Variants in NCOA6 observed in about 807,000 individuals in gnomAD.
NCOA6 encodes the protein nuclear receptor coactivator 6, also known as NRC RAP250.
NCOA6 carries 49 observed loss-of-function variants against 171.4 expected under a neutral mutation model. The observed-to-expected ratio is 0.29, with a 90% CI of 0.23 to 0.36. NCOA6 has a LOEUF of 0.36. Among genes scored for constraint, NCOA6 ranks in the 10% least tolerant of loss-of-function variants. The probability of loss-of-function intolerance (pLI) is 1.00; values close to 1 mark genes in which losing one functional copy is unlikely to be tolerated. For synonymous variants in NCOA6, 910 were observed against 927.5 expected, an observed-to-expected ratio of 0.98 and a Z score of 0.34; for missense variants, 2,248 against 2,554.5, an observed-to-expected ratio of 0.88 and a Z score of 2.59.
chr20:34,770,285 A>G (rs917243943), intron 4 of NCOA6, among the ~76,000 whole-genome samples: 2 of 152,080 alleles, frequency 1.3e-5, no homozygotes, highest in Non-Finnish European at 2.9e-5. Context: ...TGATCCGCCC[A>G]AAGTGCTGGG....
chr20:34,792,162 T>C (rs2077906920), intron 2 of NCOA6, among the ~76,000 whole-genome samples: 1 of 152,184 alleles, frequency 6.6e-6, no homozygotes, highest in South Asian at 2.1e-4. Flanking sequence ...CCTATTATCA[T>C]TTTAATCAAC....
rs143736680 is a variant in NCOA6, at chr20:34,757,592, C to T, written c.1156G>A (p.Ala386Thr). Reference sequence around the variant, plus strand: ...CTCATCTGAGGAAAGTTTGTGTGGGCTTGTGAGGCTTGCTGGCTGCCAAAG... The same window carrying T: ...CTCATCTGAGGAAAGTTTGTGTGGGTTTGTGAGGCTTGCTGGCTGCCAAAG... ...YPFGSQQASQ[A>T]HTNFPQMSNP... Residue 386 changes from alanine (A) to threonine (T), a missense_variant, in exon 7 of 15, where the codon GCC becomes ACC. By Grantham distance (58) the Ala-to-Thr change is moderately conservative (BLOSUM62 0). Transcript: ENST00000359003. 131 of 1,613,576 alleles carry T rather than the reference C, an allele frequency of 8.1e-5. No individual in the cohort carries two copies. The highest frequency in any genetic ancestry group is 1.1e-4 in the Non-Finnish European group (125 of 1,179,828).
At position 34,739,121 on chromosome 20, in the gene NCOA6, C is replaced by T. The variant is rs531013149; in HGVS notation, c.5893+1242G>A. Among the ~76,000 whole-genome samples, 9 of 152,224 alleles carry T rather than the reference C, an allele frequency of 5.9e-5. No homozygotes were observed. In the South Asian group the frequency reaches 1.9e-3, roughly 32 times the overall value. On this transcript the variant is annotated intron_variant, in intron 11 of 14. Coordinates refer to ENST00000359003, the MANE Select transcript of NCOA6 (RefSeq NM_014071.5). Reference sequence around the variant, plus strand: ...GGCGGTTGTAAGGACACCTATGCTTCCATCATTAGCCCATCTTAACAGTAC... The same window carrying T: ...GGCGGTTGTAAGGACACCTATGCTTTCATCATTAGCCCATCTTAACAGTAC...
chr20:34,803,921 C>G (rs2078348215), intron 1 of NCOA6, among the ~76,000 whole-genome samples: 1 of 151,388 alleles, frequency 6.6e-6, no homozygotes, highest in Non-Finnish European at 1.5e-5. Context: ...ATGCCTGAAC[C>G]CGGGAGGTGG....
chr20:34,747,047 A>T, intron 9 of NCOA6, 119 bp from the exon 10 acceptor site: 1 of 1,003,390 alleles, frequency 1.0e-6, no homozygotes, highest in Non-Finnish European at 1.4e-6. Context: ...CATTACCATT[A>T]TTCATCTCTC....
chr20:34,783,735 G>A (rs1004594618), intron 2 of NCOA6, among the ~76,000 whole-genome samples: 4 of 152,080 alleles, frequency 2.6e-5, no homozygotes, highest in African/African-American at 7.2e-5. Flanking sequence ...CAATTCTCCT[G>A]CCTCAGCCTC....
chr20:34,805,059 A>T (rs6120736), intron 1 of NCOA6, among the ~76,000 whole-genome samples: 515 of 142,390 alleles, frequency 3.6e-3, no homozygotes, highest in South Asian at 6.1e-3. Flanking sequence ...TTTTTTTTTT[A>T]AGACAGTCTC....
intron 1 of NCOA6, among the ~76,000 whole-genome samples, chr20:34,800,052 A>G (rs988531826): frequency 6.6e-6 from 1 of 152,188 alleles, no homozygotes; most frequent in Non-Finnish European, 1.5e-5. Context: ...CAGACAGTAC[A>G]ATAAGATAAA....
intron 10 of NCOA6, 115 bp from the exon 11 acceptor site, chr20:34,743,456 C>T (rs1229181741): frequency 2.7e-6 from 3 of 1,095,938 alleles, no homozygotes; most frequent in South Asian, 1.6e-5. Context: ...GCACAAACAG[C>T]TCAGGCATGC....
intron 12 of NCOA6, 140 bp from the exon 13 acceptor site, chr20:34,732,735 A>T: frequency 1.6e-6 from 1 of 632,150 alleles, no homozygotes; most frequent in East Asian, 2.9e-5. Flanking sequence ...CATGGTATGG[A>T]GACAAAGCTG....
intron 10 of NCOA6, among the ~76,000 whole-genome samples, chr20:34,744,528 A>G (rs2145618471): frequency 6.6e-6 from 1 of 152,310 alleles, no homozygotes; most frequent in Non-Finnish European, 1.5e-5. Context: ...CTGGCAGTCA[A>G]AAGAAATGCT....
chr20:34,820,511 C>G (rs2078974846), intron 1 of NCOA6: 1 of 152,160 alleles, frequency 6.6e-6, no homozygotes, highest in Non-Finnish European at 1.5e-5. Context: ...TGGCTCACAC[C>G]TGTAATCCCA....
chr20:34,764,780 G>A (rs893391316), intron 5 of NCOA6, among the ~76,000 whole-genome samples: 1 of 151,928 alleles, frequency 6.6e-6, no homozygotes, highest in Non-Finnish European at 1.5e-5. Flanking sequence ...CTGAGGAATC[G>A]CACCTGGTTT....
At chr20:34,801,888 C>A (rs559580380) in intron 1 of NCOA6, among the ~76,000 whole-genome samples, 1 of 145,880 alleles carries the variant, frequency 6.9e-6, no homozygotes, top group Non-Finnish European at 1.5e-5. Flanking sequence ...AAACAAAAAA[C>A]AAGATCAAAG....
At chr20:34,730,096 G>A (rs1471242169) in intron 13 of NCOA6, among the ~76,000 whole-genome samples, 1 of 151,248 alleles carries the variant, frequency 6.6e-6, no homozygotes, top group African/African-American at 2.4e-5. Flanking sequence ...GAGACAGGAT[G>A]TCACTCTGTC....
At chr20:34,792,851 T>C (rs1356778988) in intron 1 of NCOA6, among the ~76,000 whole-genome samples, 1 of 146,278 alleles carries the variant, frequency 6.8e-6, no homozygotes, top group African/African-American at 2.5e-5. Context: ...AGATCATAGC[T>C]CACTGCAGCT....
intron 13 of NCOA6, among the ~76,000 whole-genome samples, chr20:34,731,017 C>T (rs761816650): frequency 1.3e-4 from 20 of 150,628 alleles, no homozygotes; most frequent in Non-Finnish European, 2.8e-4. Context: ...GTTCTAGACT[C>T]TTTTTTCTTT....
At chr20:34,725,230 C>T (rs1167278832) in intron 14 of NCOA6, among the ~76,000 whole-genome samples, 1 of 152,186 alleles carries the variant, frequency 6.6e-6, no homozygotes, top group Non-Finnish European at 1.5e-5. Flanking sequence ...ACCAGAGATA[C>T]AGTAGTTCGC....
chr20:34,733,356 T>C (rs1024784780), intron 12 of NCOA6, among the ~76,000 whole-genome samples: 2 of 152,182 alleles, frequency 1.3e-5, no homozygotes, highest in Non-Finnish European at 2.9e-5. Context: ...TGTTCCCCCA[T>C]TGAGGGAAGT....
Sources: gnomAD v4.1 joint callset for allele counts (sites outside exome capture counted in the v4.1 genomes callset) on GRCh38, gnomAD v4.1.1 for gene constraint, MANE v1.5 for transcripts, NCBI Gene and HGNC (gene_info 2026-07-23, HGNC 2026-07-21) for gene names.